TRPC5: variants seen among roughly 807,000 people sequenced by gnomAD.
The protein encoded by TRPC5 is short transient receptor potential channel 5.
TRPC5 carries 9 observed loss-of-function variants against 56.5 expected under a neutral mutation model. The ratio of observed to expected loss-of-function variants is 0.16; its 90% CI spans 0.10 to 0.28. The LOEUF is 0.28. TRPC5 is among the 10% of genes least tolerant of loss of function. The pLI is 1.00. For synonymous variants in TRPC5, 282 were observed against 278.5 expected (o/e 1.01, Z -0.13); for missense variants, 469 against 748.9 (o/e 0.63, Z 4.36).
chrX:112,041,828 G>A (rs1186538417), intron 1 of TRPC5, among the ~76,000 whole-genome samples: 1 of 111,750 alleles, frequency 8.9e-6, no homozygotes, highest in Admixed American at 9.5e-5. Flanking sequence ...TTTTCCACAG[G>A]TAATATTGCT....
chrX:111,859,012 T>C (rs1923319284), intron 3 of TRPC5, among the ~76,000 whole-genome samples: 1 of 111,715 alleles, frequency 9.0e-6, no homozygotes, highest in Non-Finnish European at 1.9e-5. Context: ...TTCCTGCTGA[T>C]GGGGGGAGCA....
chrX:111,925,506 T>C (rs1217470024), intron 2 of TRPC5, among the ~76,000 whole-genome samples: 3 of 112,069 alleles, frequency 2.7e-5, no homozygotes, highest in Admixed American at 9.5e-5. Flanking sequence ...AGTTGTTTTA[T>C]TGTATACTGT....
At chrX:111,947,860 G>A (rs1382822544) in intron 2 of TRPC5, among the ~76,000 whole-genome samples, 2 of 112,179 alleles carry the variant, frequency 1.8e-5, no homozygotes, top group Non-Finnish European at 3.8e-5. Flanking sequence ...TCTTAGTACT[G>A]TGTTCAATGC....
intron 2 of TRPC5, among the ~76,000 whole-genome samples, chrX:111,944,303 T>TGTGTGTGAGAGA (rs1173179815): frequency 3.3e-5 from 2 of 61,383 alleles, no homozygotes; most frequent in African/African-American, 1.1e-4. Context: ...TGTGTGTGTG[T>TGTGTGTGAGAGA]GAGAGAGAGA....
intron 6 of TRPC5, among the ~76,000 whole-genome samples, chrX:111,839,921 A>G (rs904037543): frequency 1.8e-5 from 2 of 111,391 alleles, no homozygotes; most frequent in African/African-American, 6.5e-5. Flanking sequence ...CTACAATCCC[A>G]GCACTTTGGG....
rs1353720909 is a variant in TRPC5 at position 111,967,982 on chromosome X, T to G, written c.-21-15541A>C. On this transcript the variant is annotated intron_variant, in intron 1 of 10. Coordinates refer to ENST00000262839, the MANE Select transcript of TRPC5 (RefSeq NM_012471.3). ...GCCAAAATTGACAAATGGGATCTAATTAAACTAAAGAGCTTCTGCACAGCA... is the reference window on the plus strand; with the variant it reads ...GCCAAAATTGACAAATGGGATCTAAGTAAACTAAAGAGCTTCTGCACAGCA... Among the ~76,000 whole-genome samples, 3 of 110,303 alleles carry G rather than the reference T, an allele frequency of 2.7e-5. No homozygotes were observed. In the Admixed American group the frequency reaches 2.9e-4, roughly 11 times the overall value.
chrX:111,993,389 T>C (rs1928421047), intron 1 of TRPC5, among the ~76,000 whole-genome samples: 1 of 112,208 alleles, frequency 8.9e-6, no homozygotes, highest in Admixed American at 9.5e-5. Flanking sequence ...TATAGTAGCA[T>C]GATTTATAAT....
intron 9 of TRPC5, 136 bp downstream of exon 9, chrX:111,781,029 G>T: frequency 1.6e-6 from 1 of 630,805 alleles, no homozygotes; most frequent in Non-Finnish European, 2.7e-6. Flanking sequence ...TTCAGCCCTT[G>T]ATAAATTACA....
intron 1 of TRPC5, among the ~76,000 whole-genome samples, chrX:112,043,422 C>T (rs1247298897): frequency 9.0e-6 from 1 of 111,729 alleles, no homozygotes; most frequent in Non-Finnish European, 1.9e-5. Flanking sequence ...GGTAGTTAAA[C>T]TAGCAGCATT....
At chrX:111,936,501 C>T (rs1485473227) in intron 2 of TRPC5, among the ~76,000 whole-genome samples, 1 of 109,987 alleles carries the variant, frequency 9.1e-6, no homozygotes, top group African/African-American at 3.3e-5. Flanking sequence ...CCTCTCCCCA[C>T]ACCCCACAAC....
chrX:112,040,272 G>T (rs1377758991), intron 1 of TRPC5, among the ~76,000 whole-genome samples: 3 of 112,026 alleles, frequency 2.7e-5, no homozygotes, highest in African/African-American at 9.7e-5. Context: ...ATCATCAAAG[G>T]GACCTTAATG....
intron 1 of TRPC5, among the ~76,000 whole-genome samples, chrX:111,980,678 CAT>C (rs1457774954): frequency 9.1e-6 from 1 of 109,845 alleles, no homozygotes; most frequent in East Asian, 2.8e-4. Flanking sequence ...CAATTACAAA[CAT>C]AGCCCAGCTA....
chrX:111,977,231 T>G (rs751234670), intron 1 of TRPC5, among the ~76,000 whole-genome samples: 2 of 111,699 alleles, frequency 1.8e-5, no homozygotes, highest in African/African-American at 6.5e-5. Context: ...ATTTCCTGAC[T>G]CTAAGTTATA....
At position 111,922,500 on chromosome X, in the gene TRPC5, A is replaced by G. The variant is rs758347653; in HGVS notation, c.379-9688T>C. ...AAGGAACGTGTGGAAATGAAATTTC[A>G]TTTCTCTGTATTACTCAGAAGTGAA... On this transcript the variant is annotated intron_variant, in intron 2 of 10. Transcript: ENST00000262839. 7.1e-5 allele frequency among the ~76,000 whole-genome samples: 8 copies of G among 112,593 alleles called. No individual in the cohort carries two copies. In the South Asian group the frequency reaches 2.6e-3, roughly 36 times the overall value.
At chrX:112,012,998 T>G (rs1441527313) in intron 1 of TRPC5, among the ~76,000 whole-genome samples, 1 of 111,868 alleles carries the variant, frequency 8.9e-6, no homozygotes, top group Non-Finnish European at 1.9e-5. Flanking sequence ...ATAGCAGTAT[T>G]TTGCCGGGTG....
At chrX:112,061,490 G>A (rs979986443) in intron 1 of TRPC5, among the ~76,000 whole-genome samples, 3 of 111,881 alleles carry the variant, frequency 2.7e-5, no homozygotes, top group Non-Finnish European at 3.8e-5. Flanking sequence ...CTGAGATGAG[G>A]GTGGGGCCTG....
intron 1 of TRPC5, 117 bp from the exon 2 acceptor site, chrX:111,952,558 G>A: frequency 1.4e-6 from 1 of 724,636 alleles, no homozygotes; most frequent in Non-Finnish European, 1.9e-6. Context: ...CTTCAATGAC[G>A]CCGTCTTTTT....
chrX:112,059,718 A>AC (rs1233354982), intron 1 of TRPC5, among the ~76,000 whole-genome samples: 1 of 112,132 alleles, frequency 8.9e-6, no homozygotes, highest in East Asian at 2.8e-4. Context: ...TCAGAATAGG[A>AC]CCAAGTTAGG....
At chrX:112,053,864 A>G (rs1930277909) in intron 1 of TRPC5, among the ~76,000 whole-genome samples, 1 of 112,185 alleles carries the variant, frequency 8.9e-6, no homozygotes, top group Admixed American at 9.4e-5. Flanking sequence ...TGTGCTTAAC[A>G]TCATAAAACA....
Sources: allele counts gnomAD v4.1 joint callset (sites outside exome capture counted in the v4.1 genomes callset), GRCh38; gene constraint gnomAD v4.1.1; transcripts MANE v1.5; gene names NCBI Gene and HGNC (gene_info 2026-07-23, HGNC 2026-07-21).